ZCCHC7: variants seen among roughly 807,000 people sequenced by gnomAD.
The protein encoded by ZCCHC7 is zinc finger CCHC domain-containing protein 7.
ZCCHC7 carries 35 observed loss-of-function variants against 52.0 expected under a neutral mutation model. That is an observed-to-expected ratio of 0.67 (90% CI 0.51 to 0.89). The LOEUF is 0.89. Among genes scored for constraint, ZCCHC7 ranks in the 40% least tolerant of loss-of-function variants. The pLI, the probability that ZCCHC7 is intolerant of heterozygous loss-of-function variation, is 0.00. For synonymous variants in ZCCHC7, 217 were observed against 221.5 expected (o/e 0.98, Z 0.18); for missense variants, 574 against 649.1 (o/e 0.88, Z 1.26).
chr9:37,193,656 G>A (rs1434929574), intron 2 of ZCCHC7, among the ~76,000 whole-genome samples: 1 of 151,944 alleles, frequency 6.6e-6, no homozygotes, highest in Non-Finnish European at 1.5e-5. Flanking sequence ...GCCTGTTTAT[G>A]TTGTTGGATT....
chr9:37,232,978 G>T (rs1166410617), intron 2 of ZCCHC7, among the ~76,000 whole-genome samples: 2 of 152,206 alleles, frequency 1.3e-5, no homozygotes, highest in Non-Finnish European at 1.5e-5. Flanking sequence ...ACATGAGACA[G>T]TATTCCCAGG....
chr9:37,120,715 GC>G (rs1208013407), intron 1 of ZCCHC7, 92 bp downstream of exon 1: 1 of 365,292 alleles, frequency 2.7e-6, no homozygotes, highest in Non-Finnish European at 4.9e-6. Flanking sequence ...ACTAGCGCGT[GC>G]CCCCTCGCCG....
intron 2 of ZCCHC7, among the ~76,000 whole-genome samples, chr9:37,277,652 G>T (rs1827745216): frequency 6.6e-6 from 1 of 152,150 alleles, no homozygotes; most frequent in Non-Finnish European, 1.5e-5. Context: ...GCTACACCAT[G>T]GGGGTGATTA....
At chr9:37,300,610 C>T (rs1340118581) in intron 2 of ZCCHC7, among the ~76,000 whole-genome samples, 1 of 152,214 alleles carries the variant, frequency 6.6e-6, no homozygotes, top group East Asian at 1.9e-4. Flanking sequence ...TCTCTAGACA[C>T]TTACTCCTGG....
chr9:37,241,588 A>G (rs993080754), intron 2 of ZCCHC7, among the ~76,000 whole-genome samples: 13 of 151,874 alleles, frequency 8.6e-5, no homozygotes, highest in African/African-American at 2.2e-4. Flanking sequence ...TTCATCTGGA[A>G]TAATCACTTT....
At chr9:37,350,352 G>A (rs2634796) in intron 7 of ZCCHC7, among the ~76,000 whole-genome samples, 3 of 152,062 alleles carry the variant, frequency 2.0e-5, no homozygotes, top group South Asian at 2.1e-4. Flanking sequence ...GGCTGGTCTC[G>A]AACTGCTGGC....
chr9:37,187,786 A>AT (rs1301744789), intron 2 of ZCCHC7, among the ~76,000 whole-genome samples: 198 of 146,598 alleles, frequency 1.4e-3, no homozygotes, highest in African/African-American at 3.0e-3. Flanking sequence ...TACAGATGCA[A>AT]TTTTTTTTTT....
chr9:37,306,661 C>G (rs967267360), intron 5 of ZCCHC7, among the ~76,000 whole-genome samples: 2 of 144,300 alleles, frequency 1.4e-5, no homozygotes, highest in African/African-American at 5.1e-5. Context: ...TACGGGGTTT[C>G]ACCACGTTGG....
intron 2 of ZCCHC7, among the ~76,000 whole-genome samples, chr9:37,286,132 A>G (rs1179027413): frequency 6.6e-6 from 1 of 152,230 alleles, no homozygotes; most frequent in East Asian, 1.9e-4. Context: ...TAATTTTATT[A>G]TTAGAGAAAG....
chr9:37,244,611 A>C (rs1826006804), intron 2 of ZCCHC7, among the ~76,000 whole-genome samples: 1 of 151,914 alleles, frequency 6.6e-6, no homozygotes, highest in Admixed American at 6.6e-5. Flanking sequence ...TATTTTTGCC[A>C]AGACAGTTTT....
intron 2 of ZCCHC7, among the ~76,000 whole-genome samples, chr9:37,141,515 A>C (rs1220939681): frequency 6.6e-6 from 1 of 151,882 alleles, no homozygotes; most frequent in Non-Finnish European, 1.5e-5. Context: ...TGTTAGTGTT[A>C]TGCATGAAAT....
intron 6 of ZCCHC7, among the ~76,000 whole-genome samples, chr9:37,344,796 A>G: frequency 6.6e-6 from 1 of 152,214 alleles, no homozygotes; most frequent in East Asian, 1.9e-4. Context: ...TATCTTGCTC[A>G]CTTCTCAGTT....
At chr9:37,324,996 CGTT>C (rs1830183952) in intron 5 of ZCCHC7, among the ~76,000 whole-genome samples, 2 of 152,122 alleles carry the variant, frequency 1.3e-5, no homozygotes, top group African/African-American at 2.4e-5. Flanking sequence ...TGCACTAAGC[CGTT>C]GTTCTCGTAA....
At chr9:37,191,415 T>C (rs917674378) in intron 2 of ZCCHC7, among the ~76,000 whole-genome samples, 2 of 152,212 alleles carry the variant, frequency 1.3e-5, no homozygotes, top group African/African-American at 4.8e-5. Context: ...TTTATATTTC[T>C]TACCTTTTTG....
At chr9:37,336,351 A>G (rs527359958) in intron 6 of ZCCHC7, among the ~76,000 whole-genome samples, 15 of 152,146 alleles carry the variant, frequency 9.9e-5, no homozygotes, top group Non-Finnish European at 2.1e-4. Context: ...TTGTTTTAAG[A>G]CAAGCAAAGG....
intron 2 of ZCCHC7, among the ~76,000 whole-genome samples, chr9:37,197,511 A>G (rs572000789): frequency 6.6e-6 from 1 of 152,336 alleles, no homozygotes; most frequent in South Asian, 2.1e-4. Context: ...CTGGAAGGAA[A>G]GGCACAGTGA....
At chr9:37,348,933 G>T (rs946404290) in intron 6 of ZCCHC7, among the ~76,000 whole-genome samples, 1 of 152,176 alleles carries the variant, frequency 6.6e-6, no homozygotes, top group Non-Finnish European at 1.5e-5. Context: ...TTTTACACCT[G>T]CAGGGAAACT....
chr9:37,201,672 A>G (rs1823637774), intron 2 of ZCCHC7, among the ~76,000 whole-genome samples: 1 of 152,298 alleles, frequency 6.6e-6, no homozygotes, highest in African/African-American at 2.4e-5. Flanking sequence ...GCCCAATGAC[A>G]TGCATCCTAG....
At chr9:37,268,380 T>C (rs1439800124) in intron 2 of ZCCHC7, among the ~76,000 whole-genome samples, 1 of 150,788 alleles carries the variant, frequency 6.6e-6, no homozygotes, top group Non-Finnish European at 1.5e-5. Flanking sequence ...AAGTCATGAA[T>C]GTACTCTTGA....
Sources: allele counts gnomAD v4.1 joint callset (sites outside exome capture counted in the v4.1 genomes callset), GRCh38; gene constraint gnomAD v4.1.1; transcripts MANE v1.5; gene names NCBI Gene and HGNC (gene_info 2026-07-23, HGNC 2026-07-21).